Variants in ZBTB38 observed in about 807,000 individuals in gnomAD.
ZBTB38 encodes the protein zinc finger and BTB domain containing 38, also known as zinc finger and BTB domain-containing protein 38.
ZBTB38 carries 20 observed loss-of-function variants against 76.8 expected under a neutral mutation model. That is an observed-to-expected ratio of 0.26 (90% CI 0.18 to 0.38). The LOEUF (loss-of-function observed/expected upper bound fraction) is 0.38, where lower values mean the gene tolerates loss of function less well. Ranked by LOEUF, ZBTB38 falls within the 10% of genes least tolerant of loss-of-function variation. The pLI, the probability that ZBTB38 is intolerant of heterozygous loss-of-function variation, is 1.00. For missense variants in ZBTB38, 1,082 were observed against 1,482.3 expected, an observed-to-expected ratio of 0.73 and a Z score of 4.43; for synonymous variants, 504 against 544.2, an observed-to-expected ratio of 0.93 and a Z score of 1.03.
intron 5 of ZBTB38, among the ~76,000 whole-genome samples, chr3:141,435,622 C>T (rs930513500): frequency 6.6e-6 from 1 of 151,736 alleles, no homozygotes; most frequent in Non-Finnish European, 1.5e-5. Flanking sequence ...TAGCCAGGCA[C>T]GGTGGCACAC....
Position 141,444,314 on chromosome 3 carries a change from C to G in ZBTB38, c.1926C>G (p.Pro642=). The change falls in exon 6 of 6, where the codon CCC becomes CCG. Residue 642 remains proline (P), a synonymous_variant. Coordinates refer to ENST00000321464, the MANE Select transcript of ZBTB38 (RefSeq NM_001376113.1). The surrounding 1 kb of genome is among the most constrained non-coding windows in gnomAD (Gnocchi z 5.1). ...AAACATCTGCATGTCAGGACATACC[C>G]ACTTCTGCCAATGTACAAAATGCAG... ...PLETSACQDI[P]TSANVQNAEG... is the part of the protein sequence containing the mutation. 1 of 1,614,180 alleles carries G rather than the reference C, an allele frequency of 6.2e-7. No individual in the cohort carries two copies. The highest frequency in any genetic ancestry group is 8.5e-7 in the Non-Finnish European group (1 of 1,180,034).
intron 5 of ZBTB38, among the ~76,000 whole-genome samples, chr3:141,440,393 A>G (rs994244996): frequency 1.3e-5 from 2 of 152,254 alleles, no homozygotes; most frequent in Non-Finnish European, 2.9e-5. Context: ...ACTAAATAAC[A>G]TAATAGTCAC....
chr3:141,425,273 C>G (rs1218960501), intron 5 of ZBTB38, among the ~76,000 whole-genome samples: 2 of 152,178 alleles, frequency 1.3e-5, no homozygotes, highest in African/African-American at 4.8e-5. Flanking sequence ...TTTAGTCTCC[C>G]CACCATTCCT....
chr3:141,432,518 G>A (rs961259193), intron 5 of ZBTB38, among the ~76,000 whole-genome samples: 1 of 152,118 alleles, frequency 6.6e-6, no homozygotes, highest in African/African-American at 2.4e-5. Flanking sequence ...GGACTGAAAA[G>A]GTTTACTTAA....
chr3:141,441,783 G>T (rs915884368), intron 5 of ZBTB38, among the ~76,000 whole-genome samples: 1 of 152,160 alleles, frequency 6.6e-6, no homozygotes, highest in African/African-American at 2.4e-5. Context: ...GGGCGTGGTG[G>T]CTCTCACCTG....
chr3:141,380,241 C>G (rs140282347), intron 2 of ZBTB38, among the ~76,000 whole-genome samples: 1 of 152,200 alleles, frequency 6.6e-6, no homozygotes, highest in Admixed American at 6.5e-5. Flanking sequence ...CTGTGAAACA[C>G]GCTCTGCCAC....
intron 5 of ZBTB38, chr3:141,405,871 A>C (rs1404514531): frequency 6.6e-6 from 1 of 152,246 alleles, no homozygotes; most frequent in Non-Finnish European, 1.5e-5. Flanking sequence ...TGATAAATGC[A>C]AAAAGAAGAT....
chr3:141,357,088 A>T (rs1354520650), intron 1 of ZBTB38, among the ~76,000 whole-genome samples: 1 of 152,228 alleles, frequency 6.6e-6, no homozygotes, highest in African/African-American at 2.4e-5. Context: ...ACACTTGACC[A>T]TTAGGCATAT....
chr3:141,377,466 CAT>C (rs941517817), intron 2 of ZBTB38, among the ~76,000 whole-genome samples: 7 of 152,188 alleles, frequency 4.6e-5, no homozygotes, highest in Non-Finnish European at 1.0e-4. Context: ...TGCTGGCAAA[CAT>C]GTGGGGACAC....
chr3:141,350,218 T>TGTA (rs1309056051), intron 1 of ZBTB38, among the ~76,000 whole-genome samples: 1 of 152,224 alleles, frequency 6.6e-6, no homozygotes, highest in Non-Finnish European at 1.5e-5. Flanking sequence ...CTATGACATT[T>TGTA]GTAGTCTGTG....
At position 141,394,901 on chromosome 3, in the gene ZBTB38, C is replaced by A. The variant is rs115495871; in HGVS notation, c.-106+7964C>A. 4.2e-3 allele frequency among the ~76,000 whole-genome samples: 646 copies of A among 152,252 alleles called. 6 individuals carry two copies. The highest frequency in any genetic ancestry group is 0.015 in the African/African-American group (608 of 41,520). On this transcript the variant is annotated intron_variant, in intron 4 of 5. Coordinates refer to ENST00000321464, the MANE Select transcript of ZBTB38 (RefSeq NM_001376113.1). ...CAGAGAAGATGGGACTTCTTAAGGT[C>A]TCTCGGAGAGTTAAGTGGTGGAATG...
At position 141,436,790 on chromosome 3, in the gene ZBTB38, G is replaced by A. The variant is rs764517915; in HGVS notation, c.1-5599G>A. ...TGGGATTACAGGCATGAGCCACCGC[G>A]CCCAGCCAGCTATCTTGATTTTTAT... is the stretch of plus-strand genomic sequence containing the variant. On this transcript the variant is annotated intron_variant, in intron 5 of 5. Transcript: ENST00000321464. Among the ~76,000 whole-genome samples the A allele has an allele frequency of 1.2e-4, 18 of 152,282 alleles. No homozygotes were observed. The East Asian group carries it at 2.3e-3, about 20-fold the overall frequency.
chr3:141,411,708 A>G (rs1956723073), intron 5 of ZBTB38, among the ~76,000 whole-genome samples: 1 of 152,206 alleles, frequency 6.6e-6, no homozygotes, highest in African/African-American at 2.4e-5. Flanking sequence ...GAAAGAAAAA[A>G]AACCCTGACC....
chr3:141,385,720 G>T (rs930211892), intron 3 of ZBTB38, among the ~76,000 whole-genome samples: 8 of 151,646 alleles, frequency 5.3e-5, no homozygotes, highest in Non-Finnish European at 1.0e-4. Context: ...GGGTGCATAA[G>T]AATTCTTGAA....
upstream of ZBTB38, chr3:141,366,923 G>C (rs1943992936): frequency 6.6e-6 from 1 of 152,246 alleles, no homozygotes; most frequent in Non-Finnish European, 1.5e-5. Context: ...ATAAGCAGAT[G>C]TTCTCTTCTC....
intron 5 of ZBTB38, among the ~76,000 whole-genome samples, chr3:141,428,583 G>A (rs769453761): frequency 4.6e-5 from 7 of 152,118 alleles, no homozygotes; most frequent in Non-Finnish European, 1.0e-4. Flanking sequence ...CACCTCCGGG[G>A]TTCAAGCGAT....
At chr3:141,359,186 T>C (rs1233714363) in intron 1 of ZBTB38, among the ~76,000 whole-genome samples, 1 of 152,244 alleles carries the variant, frequency 6.6e-6, no homozygotes, top group East Asian at 1.9e-4. Flanking sequence ...CTCTTCACCA[T>C]CTTAATGTAC....
rs745985694 is a variant in ZBTB38, at chr3:141,444,792, C to G, written c.2404C>G (p.Leu802Val). The G allele has an allele frequency of 1.2e-6, 2 of 1,614,160 alleles. No individual in the cohort carries two copies. The highest frequency in any genetic ancestry group is 2.2e-5 in the South Asian group (2 of 91,080). The stretch of plus-strand genomic sequence containing the variant: ...CTATGTTGCTGATCCTGGAGGATCA[C>G]TGAGCAAAACCACAAATATTGCTGA... ...SNYVADPGGS[L>V]SKTTNIAEET... Residue 802 changes from leucine (L) to valine (V), a missense_variant, in exon 6 of 6, where the codon CTG (leucine) becomes GTG (valine). Transcript: ENST00000321464. The surrounding 1 kb of genome is among the most constrained non-coding windows in gnomAD (Gnocchi z 5.1).
chr3:141,445,964 T>C lies in ZBTB38; in HGVS notation c.3576T>C (p.Asn1192=), dbSNP rs1460489265. 6.3e-7 allele frequency: 1 copy of C among 1,577,884 alleles called. No individual in the cohort carries two copies. Among genetic ancestry groups the C allele is most frequent in the Non-Finnish European group, 8.6e-7 (1 of 1,166,798 alleles). The change falls in exon 6 of 6, where the codon AAT becomes AAC. Residue 1192 remains asparagine (N), a synonymous_variant. Transcript: ENST00000321464. This position sits in a 1 kb window ranked among gnomAD's most constrained non-coding sequence, Gnocchi z 6.5. ...QKDNIQTGVE[N]VVL is the part of the protein sequence containing the mutation. ...ATAACATACAAACCGGTGTGGAAAA[T>C]GTTGTCCTTTGAGTGGCAAGAATTA... is the stretch of plus-strand genomic sequence containing the variant.
Sources: gnomAD v4.1 joint callset for allele counts (sites outside exome capture counted in the v4.1 genomes callset) on GRCh38, gnomAD v4.1.1 for gene constraint, Gnocchi (gnomAD v3.1) non-coding constraint, MANE v1.5 for transcripts, NCBI Gene and HGNC (gene_info 2026-07-23, HGNC 2026-07-21) for gene names.